USP10: variants seen among roughly 807,000 people sequenced by gnomAD.
The protein encoded by USP10 is ubiquitin carboxyl-terminal hydrolase 10.
A neutral mutation model predicts 84.5 loss-of-function variants in USP10; 22 were observed. That is an observed-to-expected ratio of 0.26 (90% CI 0.19 to 0.37). The LOEUF (loss-of-function observed/expected upper bound fraction) is 0.37. Ranked by LOEUF, USP10 falls within the 10% of genes least tolerant of loss-of-function variation. USP10 has a pLI of 1.00. For synonymous variants in USP10, 454 were observed against 387.6 expected, an observed-to-expected ratio of 1.17 and a Z score of -2.01; for missense variants, 1,019 against 998.9, an observed-to-expected ratio of 1.02 and a Z score of -0.27.
At chr16:84,774,899 G>A (rs182410246) in intron 12 of USP10, among the ~76,000 whole-genome samples, 127 of 152,198 alleles carry the variant, frequency 8.3e-4, no homozygotes, top group Non-Finnish European at 1.5e-3. Flanking sequence ...GTTTTTAAGG[G>A]GCCTCCCACA....
At chr16:84,736,676 C>T (rs1909972762) in intron 2 of USP10, among the ~76,000 whole-genome samples, 1 of 152,204 alleles carries the variant, frequency 6.6e-6, no homozygotes, top group Non-Finnish European at 1.5e-5. Context: ...CACATCCCAA[C>T]CATGACTGAG....
In USP10 at chr16:84,745,603, T is replaced by G. The variant is rs1458895192; in HGVS notation, c.1122T>G (p.Ser374=). 23 of 1,613,668 alleles carry G rather than the reference T, an allele frequency of 1.4e-5. No individual in the cohort carries two copies. The highest frequency in any genetic ancestry group is 1.9e-5 in the Non-Finnish European group (23 of 1,179,742). The part of the protein sequence containing the change: ...YSPPAISPLV[S]EKQVEVKEGL... ...CTCCCGCCATATCTCCCCTGGTTTCTGAAAAGCAGGTTGAAGTCAAAGAAG... is the reference window on the plus strand; with the variant it reads ...CTCCCGCCATATCTCCCCTGGTTTCGGAAAAGCAGGTTGAAGTCAAAGAAG... The change falls in exon 4 of 14, where the codon TCT becomes TCG. Residue 374 remains serine (S), a synonymous_variant. Transcript: ENST00000219473.
At position 84,745,302 on chromosome 16, in the gene USP10, T is replaced by G. The variant is rs747505610; in HGVS notation, c.821T>G (p.Val274Gly). The change falls in exon 4 of 14, where the codon GTT (valine) becomes GGT (glycine). Residue 274 changes from valine to glycine, a missense_variant. Val to Gly is a moderately radical substitution (Grantham distance 109). Transcript: ENST00000219473. ...LSRTAGAQPCVGTDTTENLGV... is the reference protein window; with the variant it reads ...LSRTAGAQPCGGTDTTENLGV... Reference sequence around the variant, plus strand: ...AGGACAGCTGGGGCTCAGCCCTGCGTTGGTACCGATACTACTGAAAACCTT... The same window carrying G: ...AGGACAGCTGGGGCTCAGCCCTGCGGTGGTACCGATACTACTGAAAACCTT... 35 of 1,613,048 alleles carry G rather than the reference T, an allele frequency of 2.2e-5. No homozygotes were observed. The African/African-American group carries it at 4.5e-4, about 21-fold the overall frequency.
At chr16:84,733,202 A>G in intron 1 of USP10, 1 of 586,944 alleles carries the variant, frequency 1.7e-6, no homozygotes. Context: ...GTTTCAAAAT[A>G]AGCTTTATCA....
At chr16:84,761,306 A>T (rs1307109079) in intron 8 of USP10, among the ~76,000 whole-genome samples, 1 of 152,182 alleles carries the variant, frequency 6.6e-6, no homozygotes, top group African/African-American at 2.4e-5. Flanking sequence ...CACAGAGATA[A>T]TGCTATGAAC....
At chr16:84,767,760 C>T (rs972111752) in intron 10 of USP10, among the ~76,000 whole-genome samples, 2 of 151,796 alleles carry the variant, frequency 1.3e-5, no homozygotes, top group Admixed American at 1.3e-4. Flanking sequence ...AGGTGCTATT[C>T]AGCAGAATTA....
At chr16:84,750,332 G>A (rs1911771060) in intron 4 of USP10, among the ~76,000 whole-genome samples, 7 of 151,726 alleles carry the variant, frequency 4.6e-5, no homozygotes. Context: ...AGCTTGAACC[G>A]GGGAGGTGGA....
chr16:84,735,070 CAGGCTGG>C (rs1909722480), intron 2 of USP10, among the ~76,000 whole-genome samples: 1 of 151,748 alleles, frequency 6.6e-6, no homozygotes, highest in Admixed American at 6.6e-5. Context: ...TCACTCTGCC[CAGGCTGG>C]AGTGCAGAGT....
intron 2 of USP10, among the ~76,000 whole-genome samples, chr16:84,734,863 T>C (rs1176538911): frequency 6.6e-6 from 1 of 152,208 alleles, no homozygotes; most frequent in East Asian, 1.9e-4. Context: ...CCTGTGGCCC[T>C]GGCAGGTGCC....
chr16:84,733,004 TGGA>T, intron 1 of USP10: 1 of 429,078 alleles, frequency 2.3e-6, no homozygotes, highest in Admixed American at 3.0e-5. Context: ...TTTCCTTTTT[TGGA>T]TTTCCTTGTC....
In USP10 at chr16:84,760,582, C is replaced by G. The variant is rs548686703; in HGVS notation, c.1554+307C>G. Among the ~76,000 whole-genome samples the G allele has an allele frequency of 7.2e-5, 11 of 152,316 alleles. No homozygotes were observed. The South Asian group carries it at 2.1e-3, about 29-fold the overall frequency. ...GCAGAACCCAGCTTTCAAGTCAGTT[C>G]TCTTAACCACTGCACTATATGCCAC... On this transcript the variant is annotated intron_variant, in intron 8 of 13. Transcript: ENST00000219473.
rs978940490 is a variant in USP10, at chr16:84,750,420, A to AAC, written c.1192+4748_1192+4749dup. Among the ~76,000 whole-genome samples, 5 of 151,730 alleles carry AAC rather than the reference A, an allele frequency of 3.3e-5. 1 individual carries two copies. Among genetic ancestry groups the AAC allele is most frequent in the African/African-American group, 1.2e-4 (5 of 41,390 alleles). ...AGACTGTCTCAAAAAAAAAAAAAAA[A>AAC]ACCCAAAACTTAATAGCTTGTGTTT... On this transcript the variant is annotated intron_variant, in intron 4 of 13. Coordinates refer to ENST00000219473, the MANE Select transcript of USP10 (RefSeq NM_005153.3).
chr16:84,727,197 A>G (rs1269461979), intron 1 of USP10, among the ~76,000 whole-genome samples: 1 of 152,190 alleles, frequency 6.6e-6, no homozygotes, highest in Admixed American at 6.5e-5. Context: ...ATTGTTCTGT[A>G]TTTTATCTTG....
chr16:84,716,892 A>C (rs1907093944), intron 1 of USP10, among the ~76,000 whole-genome samples: 1 of 152,192 alleles, frequency 6.6e-6, no homozygotes, highest in Non-Finnish European at 1.5e-5. Flanking sequence ...ATATGCCTCT[A>C]ATTTGGATGA....
Position 84,775,184 on chromosome 16 carries a change from A to T in USP10, c.2168A>T (p.Asn723Ile). 6.2e-7 allele frequency: 1 copy of T among 1,613,870 alleles called. No individual in the cohort carries two copies. The highest frequency in any genetic ancestry group is 1.1e-5 in the South Asian group (1 of 91,084). ...GAACTGCTTTCTCCAGGGGTTAAAA[A>T]TAAGAATTTTAAATGCCACCGAACC... ...SKELLSPGVKNKNFKCHRTYR... is the reference protein window; with the variant it reads ...SKELLSPGVKIKNFKCHRTYR... Residue 723 changes from asparagine to isoleucine, a missense_variant, in exon 13 of 14, where the codon AAT becomes ATT. Coordinates refer to ENST00000219473, the MANE Select transcript of USP10 (RefSeq NM_005153.3).
intron 4 of USP10, among the ~76,000 whole-genome samples, chr16:84,752,441 C>CT (rs1011602149): frequency 2.6e-5 from 4 of 152,202 alleles, no homozygotes; most frequent in African/African-American, 9.7e-5. Flanking sequence ...TAGAAGTTGC[C>CT]TGCCCTCTAT....
chr16:84,734,165 C>T (rs985457476), intron 2 of USP10, among the ~76,000 whole-genome samples: 2 of 151,988 alleles, frequency 1.3e-5, no homozygotes, highest in Non-Finnish European at 2.9e-5. Flanking sequence ...TTCTGTGGAC[C>T]GAGCCTCTTT....
At chr16:84,740,193 C>G in intron 2 of USP10, 116 bp from the exon 3 acceptor site, 1 of 827,060 alleles carries the variant, frequency 1.2e-6, no homozygotes, top group Non-Finnish European at 1.9e-6. Context: ...CTAGAAGTAA[C>G]GGCATGCAAA....
chr16:84,733,222 T>G (rs1909469064), intron 1 of USP10: 1 of 606,566 alleles, frequency 1.6e-6, no homozygotes, highest in African/African-American at 1.8e-5. Context: ...AGTTTCATAG[T>G]GTTCTTTGAC....
Sources: allele counts gnomAD v4.1 joint callset (sites outside exome capture counted in the v4.1 genomes callset), GRCh38; gene constraint gnomAD v4.1.1; transcripts MANE v1.5; gene names NCBI Gene and HGNC (gene_info 2026-07-23, HGNC 2026-07-21).